HACE1: variants seen among roughly 807,000 people sequenced by gnomAD.
HACE1 encodes the protein E3 ubiquitin-protein ligase HACE1.
Under a neutral mutation model 118.4 loss-of-function variants are expected in HACE1, and 73 were observed. That is an observed-to-expected ratio of 0.62 (90% CI 0.51 to 0.75). HACE1 has a LOEUF of 0.75. HACE1 is among the 30% of genes least tolerant of loss of function. HACE1 has a pLI of 0.00. For missense variants in HACE1, 749 were observed against 1,102.2 expected, an observed-to-expected ratio of 0.68 and a Z score of 4.54; for synonymous variants, 368 against 374.8, an observed-to-expected ratio of 0.98 and a Z score of 0.21.
At chr6:104,760,869 G>A (rs1403507370) in intron 19 of HACE1, among the ~76,000 whole-genome samples, 1 of 152,126 alleles carries the variant, frequency 6.6e-6, no homozygotes, top group Non-Finnish European at 1.5e-5. Flanking sequence ...CAAAATCAAT[G>A]TGCAAAAATC....
At chr6:104,754,347 A>G (rs1228794435) in intron 19 of HACE1, among the ~76,000 whole-genome samples, 1 of 152,222 alleles carries the variant, frequency 6.6e-6, no homozygotes, top group Non-Finnish European at 1.5e-5. Context: ...ATCATATAGG[A>G]GAACTCCCCC....
At chr6:104,784,049 C>T in intron 14 of HACE1, 37 bp downstream of exon 14, 1 of 986,596 alleles carries the variant, frequency 1.0e-6, no homozygotes, top group Non-Finnish European at 1.6e-6. Context: ...AAATTAATTT[C>T]ATTAGATAGA....
chr6:104,813,206 A>T (rs1771810333), intron 6 of HACE1, among the ~76,000 whole-genome samples: 1 of 137,890 alleles, frequency 7.3e-6, no homozygotes. Context: ...AGCTCAGTTC[A>T]TCCAGACATG....
rs2115167613 is a variant in HACE1 at position 104,843,274 on chromosome 6, T to A, written c.351A>T (p.Leu117Phe). The A allele has an allele frequency of 6.5e-7, 1 of 1,535,264 alleles. No individual in the cohort carries two copies. Among genetic ancestry groups the A allele is most frequent in the East Asian group, 2.2e-5 (1 of 44,458 alleles). The change falls in exon 5 of 24, where the codon TTA becomes TTT. Residue 117 changes from leucine to phenylalanine, a missense_variant. Around this residue, in one of 5 missense-constraint regions of HACE1, gnomAD observed 120 missense variants for 219.1 expected, o/e 0.55. Transcript: ENST00000262903. Reference sequence around the variant, plus strand: ...TGTTGACATCAGCGCTATATTCTAATAATTTACTCATACATTTCTTCTGCC... The same window carrying A: ...TGTTGACATCAGCGCTATATTCTAAAAATTTACTCATACATTTCTTCTGCC... ...RNGQKKCMSKLLEYSADVNIC... is the reference protein window; with the variant it reads ...RNGQKKCMSKFLEYSADVNIC...
chr6:104,809,598 C>T (rs954319016), intron 7 of HACE1, among the ~76,000 whole-genome samples: 2 of 149,450 alleles, frequency 1.3e-5, no homozygotes, highest in African/African-American at 2.5e-5. Context: ...AATGTAACAA[C>T]GAGGCACTGA....
intron 5 of HACE1, 57 bp downstream of exon 5, chr6:104,843,166 C>A: frequency 2.2e-6 from 2 of 922,164 alleles, no homozygotes; most frequent in South Asian, 2.6e-5. Context: ...CTGTCACATT[C>A]AATATCATTT....
intron 19 of HACE1, 65 bp from the exon 20 acceptor site, chr6:104,750,537 ATTATTTC>A (rs1777932617): frequency 7.2e-7 from 1 of 1,381,130 alleles, no homozygotes; most frequent in Admixed American, 1.8e-5. Flanking sequence ...TGTTAATATA[ATTATTTC>A]TTATTTAAGA....
chr6:104,752,498 C>T (rs1042436684), intron 19 of HACE1, among the ~76,000 whole-genome samples: 114 of 151,786 alleles, frequency 7.5e-4, no homozygotes, highest in African/African-American at 2.3e-3. Context: ...TTTTAAGATG[C>T]CAGGAAAGAC....
chr6:104,817,251 G>T (rs538836998), intron 6 of HACE1, among the ~76,000 whole-genome samples: 11 of 152,058 alleles, frequency 7.2e-5, no homozygotes, highest in Admixed American at 3.3e-4. Flanking sequence ...TTGTGTCCCC[G>T]CCAAATCTCA....
intron 6 of HACE1, among the ~76,000 whole-genome samples, chr6:104,818,793 C>T (rs1216576536): frequency 6.6e-6 from 1 of 152,048 alleles, no homozygotes; most frequent in Non-Finnish European, 1.5e-5. Flanking sequence ...ACATGATTAT[C>T]TCAACAGATG....
chr6:104,806,836 G>A (rs924747124), intron 7 of HACE1, among the ~76,000 whole-genome samples: 1 of 152,038 alleles, frequency 6.6e-6, no homozygotes, highest in Non-Finnish European at 1.5e-5. Flanking sequence ...ACTTAGACCT[G>A]ATTTCTCAAA....
chr6:104,797,699 G>A lies in HACE1; in HGVS notation c.618-674C>T, dbSNP rs1769822217. Among the ~76,000 whole-genome samples, 3 of 152,032 alleles carry A rather than the reference G, an allele frequency of 2.0e-5. No homozygotes were observed. The South Asian group carries it at 6.2e-4, about 32-fold the overall frequency. The stretch of plus-strand genomic sequence containing the variant: ...CTCCTATCCATATGCCTCATTCCCT[G>A]ATTGCCCTCCTTCTTGTAGAAGTAG... On this transcript the variant is annotated intron_variant, in intron 7 of 23. Transcript: ENST00000262903.
At chr6:104,796,458 T>G (rs1011539956) in intron 9 of HACE1, among the ~76,000 whole-genome samples, 197 bp downstream of exon 9, 2 of 152,152 alleles carry the variant, frequency 1.3e-5, no homozygotes, top group African/African-American at 2.4e-5. Context: ...GGCAGAAGAT[T>G]TATATGGCCA....
intron 7 of HACE1, among the ~76,000 whole-genome samples, chr6:104,806,572 C>T (rs1341666627): frequency 2.0e-5 from 3 of 152,068 alleles, no homozygotes; most frequent in Non-Finnish European, 4.4e-5. Flanking sequence ...AAGTGCCTCA[C>T]CTGTAATTCA....
At chr6:104,734,142 C>CAAAAAA (rs11370746) in intron 22 of HACE1, among the ~76,000 whole-genome samples, 11 of 87,130 alleles carry the variant, frequency 1.3e-4, no homozygotes, top group East Asian at 3.5e-4. Flanking sequence ...GACTCTTCCT[C>CAAAAAA]AAAAAAAAAA....
chr6:104,840,176 G>A lies in HACE1; in HGVS notation c.402+3047C>T, dbSNP rs373984621. Among the ~76,000 whole-genome samples the A allele has an allele frequency of 6.7e-4, 102 of 152,264 alleles. 3 individuals are homozygous for A. The South Asian group carries it at 0.016, about 23-fold the overall frequency. ...TCTCTATTATTTCTTAGCACTGCAT[G>A]TGAATCTACAATTATCTTAATTTCT... is the stretch of plus-strand genomic sequence containing the variant. On this transcript the variant is annotated intron_variant, in intron 5 of 23. Transcript: ENST00000262903.
chr6:104,730,596 C>G (rs928867497), intron 22 of HACE1, 180 bp from the exon 23 acceptor site: 9 of 595,230 alleles, frequency 1.5e-5, no homozygotes, highest in African/African-American at 1.5e-4. Flanking sequence ...AGTTAGCAAG[C>G]TTCCATGGAG....
rs573613312 is a variant in HACE1 at position 104,781,796 on chromosome 6, A to T, written c.1566+2290T>A. Among the ~76,000 whole-genome samples, 8 of 152,110 alleles carry T rather than the reference A, an allele frequency of 5.3e-5. No individual in the cohort carries two copies. In the South Asian group the frequency reaches 1.2e-3, roughly 24 times the overall value. ...CACACTGGGACCCTCTTCTACACAG[A>T]CACACTTCTTAATCACATCCAAACT... On this transcript the variant is annotated intron_variant, in intron 14 of 23. Transcript: ENST00000262903.
Position 104,732,763 on chromosome 6 carries a change from G to A in HACE1, c.2514-2347C>T, listed in dbSNP as rs545794549. Among the ~76,000 whole-genome samples the A allele has an allele frequency of 5.3e-5, 8 of 152,196 alleles. No individual in the cohort carries two copies. In the South Asian group the frequency reaches 1.7e-3, roughly 32 times the overall value. On this transcript the variant is annotated intron_variant, in intron 22 of 23. Coordinates refer to ENST00000262903, the MANE Select transcript of HACE1 (RefSeq NM_020771.4). ...CCAGGATTGTCTATTTGAAATCACT[G>A]ATATGTATACATCCACAGGGAAAAA...
Sources: allele counts gnomAD v4.1 joint callset (sites outside exome capture counted in the v4.1 genomes callset), GRCh38; gene constraint gnomAD v4.1.1; regional missense constraint gnomAD v4.1.1; transcripts MANE v1.5; gene names NCBI Gene and HGNC (gene_info 2026-07-23, HGNC 2026-07-21).